PCDHA1: variants seen among roughly 807,000 people sequenced by gnomAD.
The protein encoded by PCDHA1 is protocadherin alpha-1.
A neutral mutation model predicts 61.3 loss-of-function variants in PCDHA1; 42 were observed. The observed-to-expected ratio is 0.69, with a 90% CI of 0.54 to 0.89. The LOEUF is 0.89. PCDHA1 is among the 40% of genes least tolerant of loss of function. The pLI is 0.00. For synonymous variants in PCDHA1, 610 were observed against 553.8 expected, an observed-to-expected ratio of 1.10 and a Z score of -1.43; for missense variants, 1,256 against 1,235.3, an observed-to-expected ratio of 1.02 and a Z score of -0.25.
intron 1 of PCDHA1, among the ~76,000 whole-genome samples, chr5:140,897,888 G>C (rs1554187649): frequency 6.6e-6 from 1 of 152,150 alleles, no homozygotes; most frequent in Non-Finnish European, 1.5e-5. Flanking sequence ...ATTCTAACTG[G>C]TGTGAGATGG....
In PCDHA1 at chr5:140,848,503, A is replaced by G. The variant is rs2150411513; in HGVS notation, c.2394+59819A>G. 2.1e-5 allele frequency: 33 copies of G among 1,586,850 alleles called. 4 individuals are homozygous for G. Among genetic ancestry groups the G allele is most frequent in the African/African-American group, 4.1e-5 (3 of 74,020 alleles). Reference sequence around the variant, plus strand: ...GAAGACTGAGTATTTGAAATGTTATACTCAAGTCGAGGAGATCCAGAGGGT... The same window carrying G: ...GAAGACTGAGTATTTGAAATGTTATGCTCAAGTCGAGGAGATCCAGAGGGT... On this transcript the variant is annotated intron_variant, in intron 1 of 3. Coordinates refer to ENST00000504120, the MANE Select transcript of PCDHA1 (RefSeq NM_018900.4).
Position 140,807,735 on chromosome 5 carries a change from C to T in PCDHA1, c.2394+19051C>T, listed in dbSNP as rs781794809. 10 of 1,614,160 alleles carry T rather than the reference C, an allele frequency of 6.2e-6. No homozygotes were observed. In the East Asian group the frequency reaches 2.0e-4, roughly 32 times the overall value. On this transcript the variant is annotated intron_variant, in intron 1 of 3. Transcript: ENST00000504120. ...AATGAATACTTTTCTCTGGAAAAAC[C>T]ACCTGATGACGAGCTGGTAAAAGGT...
intron 1 of PCDHA1, among the ~76,000 whole-genome samples, chr5:140,887,179 C>A (rs984497356): frequency 6.6e-6 from 1 of 151,850 alleles, no homozygotes; most frequent in Non-Finnish European, 1.5e-5. Context: ...TCACTGCAAG[C>A]TCCACCTCCC....
intron 3 of PCDHA1, among the ~76,000 whole-genome samples, chr5:140,987,354 G>A (rs1180342992): frequency 2.6e-5 from 4 of 152,166 alleles, no homozygotes; most frequent in Admixed American, 2.6e-4. Context: ...TATTCCTGAG[G>A]TTGTCTTATA....
chr5:140,995,276 C>T (rs2097674050), intron 3 of PCDHA1, among the ~76,000 whole-genome samples: 4 of 152,030 alleles, frequency 2.6e-5, no homozygotes, highest in Non-Finnish European at 1.5e-5. Flanking sequence ...CCCTTTGATA[C>T]CAAAACAGCC....
At chr5:140,836,828 T>G in intron 1 of PCDHA1, 1 of 958,012 alleles carries the variant, frequency 1.0e-6, no homozygotes, top group Non-Finnish European at 1.5e-6. Context: ...TCTTTTTTAG[T>G]TGATAGCTTT....
chr5:141,009,239 G>T (rs1416549332), intron 3 of PCDHA1, among the ~76,000 whole-genome samples: 2 of 152,186 alleles, frequency 1.3e-5, no homozygotes, highest in Admixed American at 1.3e-4. Context: ...AGGATCTCTT[G>T]AGCTTCAGTG....
intron 1 of PCDHA1, chr5:140,869,509 A>T (rs199564677): frequency 3.1e-6 from 5 of 1,614,206 alleles, no homozygotes; most frequent in Non-Finnish European, 3.4e-6. Context: ...GTTCTCGCTC[A>T]GAGAACAAAA....
intron 1 of PCDHA1, chr5:140,794,913 A>C (rs1761892291): frequency 6.5e-7 from 1 of 1,538,990 alleles, no homozygotes; most frequent in Non-Finnish European, 8.7e-7. Flanking sequence ...AGAATATTTA[A>C]ATTTTTGCAA....
intron 1 of PCDHA1, chr5:140,928,202 A>G: frequency 6.2e-7 from 1 of 1,614,210 alleles, no homozygotes; most frequent in Non-Finnish European, 8.5e-7. Flanking sequence ...TCAGTTGCTG[A>G]TGTGAATGAC....
At chr5:140,995,155 A>T (rs2097666869) in intron 3 of PCDHA1, among the ~76,000 whole-genome samples, 2 of 152,194 alleles carry the variant, frequency 1.3e-5, no homozygotes, top group Non-Finnish European at 2.9e-5. Flanking sequence ...CTTTATATAC[A>T]TTATGTTCTT....
chr5:140,805,039 C>T, intron 1 of PCDHA1: 3 of 1,586,366 alleles, frequency 1.9e-6, no homozygotes, highest in Non-Finnish European at 2.6e-6. Flanking sequence ...ATAGAGTCAG[C>T]CAAAGTACTT....
chr5:140,841,992 G>A (rs2150327070), intron 1 of PCDHA1: 8 of 1,613,646 alleles, frequency 5.0e-6, no homozygotes, highest in South Asian at 4.4e-5. Context: ...GAGCTCACAG[G>A]CACTGTTCAG....
chr5:140,960,482 G>GTGTA (rs1585840878), intron 1 of PCDHA1, among the ~76,000 whole-genome samples: 1 of 152,150 alleles, frequency 6.6e-6, no homozygotes, highest in Non-Finnish European at 1.5e-5. Context: ...TTACACAGAG[G>GTGTA]TGTAGGTTTG....
Position 141,010,533 on chromosome 5 carries a change from C to T in PCDHA1, c.*596C>T, listed in dbSNP as rs1466502614. 4 of 390,018 alleles carry T rather than the reference C, an allele frequency of 1.0e-5. No homozygotes were observed. Among genetic ancestry groups the T allele is most frequent in the African/African-American group, 8.2e-5 (4 of 49,000 alleles). 24.2% of individuals were successfully genotyped at this position (390,018 alleles called of 1,614,324 possible). ...TACAACTCAAGAGGTGGCAGCCACCCTCTAGGAGACAAAACTACCCCCACT... is the reference window on the plus strand; with the variant it reads ...TACAACTCAAGAGGTGGCAGCCACCTTCTAGGAGACAAAACTACCCCCACT... On this transcript the variant is annotated 3_prime_UTR_variant, in exon 4 of 4. Transcript: ENST00000504120.
At chr5:140,825,436 A>C (rs1327783797) in intron 1 of PCDHA1, 1 of 147,728 alleles carries the variant, frequency 6.8e-6, no homozygotes, top group Non-Finnish European at 1.5e-5. Context: ...TAAATATATA[A>C]TAATAATATA....
intron 1 of PCDHA1, chr5:140,808,421 G>T (rs1554124528): frequency 1.2e-6 from 2 of 1,614,156 alleles, no homozygotes; most frequent in Non-Finnish European, 1.7e-6. Flanking sequence ...GCTGGACAGT[G>T]CCCTGGACCG....
intron 1 of PCDHA1, among the ~76,000 whole-genome samples, chr5:140,945,540 CA>C (rs1330025999): frequency 1.3e-5 from 2 of 151,706 alleles, no homozygotes; most frequent in African/African-American, 2.4e-5. Flanking sequence ...AACATACAAA[CA>C]AAAAAATGAA....
chr5:140,841,624 G>C, intron 1 of PCDHA1: 1 of 1,614,152 alleles, frequency 6.2e-7, no homozygotes, highest in Non-Finnish European at 8.5e-7. Flanking sequence ...GGAGCGCGGA[G>C]TGCAGCATCC....
Sources: gnomAD v4.1 joint callset for allele counts (sites outside exome capture counted in the v4.1 genomes callset) on GRCh38, gnomAD v4.1.1 for gene constraint, MANE v1.5 for transcripts, NCBI Gene and HGNC (gene_info 2026-07-23, HGNC 2026-07-21) for gene names.